DAZAP2: variants seen among roughly 807,000 people sequenced by gnomAD.
DAZAP2 encodes DAZ-associated protein 2.
A neutral mutation model predicts 16.2 loss-of-function variants in DAZAP2; 3 were observed. The observed-to-expected ratio is 0.19, with a 90% confidence interval of 0.08 to 0.48. DAZAP2 has a LOEUF of 0.48. DAZAP2 is among the 20% of genes least tolerant of loss of function. DAZAP2 has a pLI of 0.98. For missense variants in DAZAP2, 172 were observed against 215.9 expected (o/e 0.80, Z 1.27); for synonymous variants, 69 against 77.6 (o/e 0.89, Z 0.58).
chr12:51,240,416 T>C lies in DAZAP2; in HGVS notation c.87T>C (p.Leu29=). 1 of 1,614,154 alleles carries C rather than the reference T, an allele frequency of 6.2e-7. No individual in the cohort carries two copies. The change falls in exon 2 of 4, where the codon CTT becomes CTC. Residue 29 remains leucine (L), a synonymous_variant. Transcript: ENST00000412716. The part of the protein sequence containing the change: ...GNPVYPQTLH[L]PQAPPYTDAP... Reference sequence around the variant, plus strand: ...CAGTATACCCTCAGACCTTGCATCTTCCTCAGGCTCCACCCTATACCGATG... The same window carrying C: ...CAGTATACCCTCAGACCTTGCATCTCCCTCAGGCTCCACCCTATACCGATG...
At position 51,243,616 on chromosome 12, in the gene DAZAP2, T is replaced by C. The variant is rs1001518070; in HGVS notation, c.*1158T>C. Reference sequence around the variant, plus strand: ...TCTTATAATTTCAGTTCATCTAAATTGTGTGTTCTGTACATGTGATGTTTG... The same window carrying C: ...TCTTATAATTTCAGTTCATCTAAATCGTGTGTTCTGTACATGTGATGTTTG... On this transcript the variant is annotated 3_prime_UTR_variant, in exon 4 of 4. Transcript: ENST00000412716. The C allele has an allele frequency of 9.1e-6, 9 of 985,704 alleles. No individual in the cohort carries two copies. The highest frequency in any genetic ancestry group is 8.7e-5 in the African/African-American group (5 of 57,238). The allele number at this position is 985,704 out of a possible 1,614,324, so 61.1% of individuals were successfully genotyped here.
chr12:51,243,446 T>TA lies in DAZAP2; in HGVS notation c.*989dup, dbSNP rs1944717315. On this transcript the variant is annotated 3_prime_UTR_variant, in exon 4 of 4. Transcript: ENST00000412716. ...CACTCATTCGGCTCCCCAGAATTCC[T>TA]AGACTGGGTTAATAGGGTCATATTG... is the stretch of plus-strand genomic sequence containing the variant. 4.1e-6 allele frequency: 4 copies of TA among 985,746 alleles called. No homozygotes were observed. In the African/African-American group the frequency reaches 7.0e-5, roughly 17 times the overall value. The allele number at this position is 985,746 out of a possible 1,614,324, so 61.1% of individuals were successfully genotyped here.
In DAZAP2 at chr12:51,238,935, T is replaced by G. The variant is rs1388411465; in HGVS notation, c.13+15T>G. On this transcript the variant is annotated intron_variant, in intron 1 of 3. Transcript: ENST00000412716. ...GAACAGCAAAGGCAAGGACCGAGGG[T>G]GGCAGAGGCCGTCGGGGGGAGTACT... 1.2e-6 allele frequency: 2 copies of G among 1,610,476 alleles called. No individual in the cohort carries two copies. The highest frequency in any genetic ancestry group is 1.7e-4 in the Middle Eastern group (1 of 6,052).
downstream of DAZAP2, chr12:51,245,850 T>G: frequency 3.5e-6 from 5 of 1,436,286 alleles, no homozygotes; most frequent in South Asian, 5.5e-5. Flanking sequence ...AATCAATGCT[T>G]CTCCCTGGCT....
Position 51,243,650 on chromosome 12 carries a change from A to G in DAZAP2, c.*1192A>G, listed in dbSNP as rs1944722057. 7.1e-6 allele frequency: 7 copies of G among 985,814 alleles called. No homozygotes were observed. The highest frequency in any genetic ancestry group is 8.4e-6 in the Non-Finnish European group (7 of 829,916). The allele number at this position is 985,814 out of a possible 1,614,324, so 61.1% of individuals were successfully genotyped here. Reference sequence around the variant, plus strand: ...TGTACATGTGATGTTTGACTGTACCATTGACTGTTATGGAAGTTCAGCGTT... The same window carrying G: ...TGTACATGTGATGTTTGACTGTACCGTTGACTGTTATGGAAGTTCAGCGTT... On this transcript the variant is annotated 3_prime_UTR_variant, in exon 4 of 4. Transcript: ENST00000412716.
At chr12:51,239,166 G>A (rs897386670) in intron 1 of DAZAP2, 2 of 546,778 alleles carry the variant, frequency 3.7e-6, no homozygotes, top group East Asian at 3.5e-5. Flanking sequence ...CGGGTGGTGG[G>A]GGGGCTTGAC....
downstream of DAZAP2, chr12:51,244,050 C>A (rs1389251093): frequency 1.5e-5 from 6 of 401,254 alleles, no homozygotes; most frequent in East Asian, 8.0e-4. Flanking sequence ...ACTATTGATT[C>A]TCCTAACTTG....
chr12:51,242,447 A>G lies in DAZAP2; in HGVS notation c.496A>G (p.Thr166Ala). The change falls in exon 4 of 4, where the codon ACC becomes GCC. Residue 166 changes from threonine (T) to alanine (A), a missense_variant. Physicochemically the swap from Thr to Ala is moderately conservative, Grantham distance 58. Transcript: ENST00000412716. ...FFMGGSDGGY[T>A]IW Reference sequence around the variant, plus strand: ...CATGGGTGGTTCAGATGGTGGCTACACCATCTGGTGAGGAACCAAGGCCAC... The same window carrying G: ...CATGGGTGGTTCAGATGGTGGCTACGCCATCTGGTGAGGAACCAAGGCCAC... 6.2e-7 allele frequency: 1 copy of G among 1,614,146 alleles called. No homozygotes were observed. Among genetic ancestry groups the G allele is most frequent in the Non-Finnish European group, 8.5e-7 (1 of 1,180,034 alleles).
intron 1 of DAZAP2, chr12:51,239,126 ACT>A: frequency 1.5e-6 from 1 of 680,266 alleles, no homozygotes; most frequent in Non-Finnish European, 2.3e-6. Context: ...TCCTCCGTAA[ACT>A]CTGTGGCGCA....
chr12:51,244,543 AAC>A (rs1361820768), downstream of DAZAP2: 34 of 152,240 alleles, frequency 2.2e-4, no homozygotes, highest in African/African-American at 8.2e-4. Context: ...GAGCTTGGAC[AAC>A]AGAGGCAATA....
Position 51,242,959 on chromosome 12 carries a change from T to C in DAZAP2, c.*501T>C, listed in dbSNP as rs1944705812. On this transcript the variant is annotated 3_prime_UTR_variant, in exon 4 of 4. Coordinates refer to ENST00000412716, the MANE Select transcript of DAZAP2 (RefSeq NM_014764.4). ...CCACCCATCCCATCTCCAACCCTAGTCTTCCATTTCCTCCCGCCAGTCTCC... is the reference window on the plus strand; with the variant it reads ...CCACCCATCCCATCTCCAACCCTAGCCTTCCATTTCCTCCCGCCAGTCTCC... The C allele has an allele frequency of 1.9e-6, 2 of 1,073,502 alleles. No homozygotes were observed. Among genetic ancestry groups the C allele is most frequent in the Admixed American group, 5.3e-5 (1 of 18,734 alleles). The allele number at this position is 1,073,502 out of a possible 1,614,324, so 66.5% of individuals were successfully genotyped here.
downstream of DAZAP2, chr12:51,244,824 T>TA (rs1944743958): frequency 7.0e-6 from 1 of 143,268 alleles, no homozygotes; most frequent in Non-Finnish European, 1.5e-5. Flanking sequence ...AGGGTACTTT[T>TA]TTTTTTTTTT....
At chr12:51,246,369 A>C, downstream of DAZAP2, 1 of 507,248 alleles carries the variant, frequency 2.0e-6, no homozygotes, top group Non-Finnish European at 3.4e-6. Flanking sequence ...TGCCTCCCAA[A>C]CCAGTTCCTG....
downstream of DAZAP2, chr12:51,246,266 C>A: frequency 1.8e-6 from 2 of 1,130,164 alleles, no homozygotes; most frequent in Non-Finnish European, 2.5e-6. Flanking sequence ...CCCATGTTCC[C>A]CCACCAACCC....
rs1399875327 is a variant in DAZAP2, at chr12:51,243,430, G to A, written c.*972G>A. The A allele has an allele frequency of 2.0e-5, 20 of 985,564 alleles. No homozygotes were observed. Among genetic ancestry groups the A allele is most frequent in the South Asian group, 4.7e-5 (1 of 21,288 alleles). 61.1% of individuals were successfully genotyped at this position (985,564 alleles called of 1,614,324 possible). Reference sequence around the variant, plus strand: ...GAGTGTCTGATGCGGCCACTCATTCGGCTCCCCAGAATTCCTAGACTGGGT... The same window carrying A: ...GAGTGTCTGATGCGGCCACTCATTCAGCTCCCCAGAATTCCTAGACTGGGT... On this transcript the variant is annotated 3_prime_UTR_variant, in exon 4 of 4. Transcript: ENST00000412716.
chr12:51,240,514 C>T, intron 2 of DAZAP2, 53 bp downstream of exon 2: 2 of 1,413,272 alleles, frequency 1.4e-6, no homozygotes, highest in Non-Finnish European at 2.0e-6. Flanking sequence ...TAGGGTGGTC[C>T]TTTAGTCCTT....
chr12:51,238,832 G>T lies in DAZAP2; in HGVS notation c.-76G>T. 10 of 1,609,834 alleles carry T rather than the reference G, an allele frequency of 6.2e-6. No homozygotes were observed. The highest frequency in any genetic ancestry group is 8.5e-6 in the Non-Finnish European group (10 of 1,178,978). ...GGCGGACGGACCATCATGTGACACG[G>T]AAGTAGCTCCGAACAGGAAGAGGAC... is the stretch of plus-strand genomic sequence containing the variant. On this transcript the variant is annotated 5_prime_UTR_variant, in exon 1 of 4. Transcript: ENST00000412716.
chr12:51,239,187 T>C, intron 1 of DAZAP2: 1 of 494,172 alleles, frequency 2.0e-6, no homozygotes, highest in Non-Finnish European at 3.6e-6. Context: ...ATGATGGGCA[T>C]CCGCAGGAGC....
chr12:51,242,135 T>G (rs987176149), intron 3 of DAZAP2, among the ~76,000 whole-genome samples, 195 bp from the exon 4 acceptor site: 1 of 152,092 alleles, frequency 6.6e-6, no homozygotes, highest in African/African-American at 2.4e-5. Context: ...AGTGGTAGGC[T>G]CCCTTTCCTG....
Sources: allele counts gnomAD v4.1 joint callset (sites outside exome capture counted in the v4.1 genomes callset), GRCh38; gene constraint gnomAD v4.1.1; transcripts MANE v1.5; gene names NCBI Gene and HGNC (gene_info 2026-07-23, HGNC 2026-07-21).